FAM117B: variants seen among roughly 807,000 people sequenced by gnomAD.
FAM117B encodes the protein protein FAM117B.
Under a neutral mutation model 52.8 loss-of-function variants are expected in FAM117B, and 22 were observed. The observed-to-expected ratio is 0.42, with a 90% CI of 0.30 to 0.59. The LOEUF (loss-of-function observed/expected upper bound fraction) is 0.59, where lower values mean the gene tolerates loss of function less well. Among genes scored for constraint, FAM117B ranks in the 20% least tolerant of loss-of-function variants. The pLI is 0.22. For synonymous variants in FAM117B, 309 were observed against 324.1 expected, an observed-to-expected ratio of 0.95 and a Z score of 0.50; for missense variants, 678 against 802.6, an observed-to-expected ratio of 0.84 and a Z score of 1.88.
intron 1 of FAM117B, among the ~76,000 whole-genome samples, chr2:202,667,574 A>C (rs1690225372): frequency 6.6e-6 from 1 of 152,148 alleles, no homozygotes; most frequent in Non-Finnish European, 1.5e-5. Context: ...GAAGGTGATA[A>C]TTATGTAGAG....
intron 2 of FAM117B, among the ~76,000 whole-genome samples, chr2:202,710,815 T>C (rs1690946036): frequency 6.6e-6 from 1 of 152,232 alleles, no homozygotes; most frequent in Admixed American, 6.5e-5. Flanking sequence ...CTGCAAAGTT[T>C]GTCTTTCTCT....
chr2:202,764,710 A>G (rs1691949150), intron 7 of FAM117B, among the ~76,000 whole-genome samples: 1 of 152,220 alleles, frequency 6.6e-6, no homozygotes, highest in Non-Finnish European at 1.5e-5. Context: ...TTCATGAAAT[A>G]CCATTAATAC....
intron 7 of FAM117B, among the ~76,000 whole-genome samples, chr2:202,764,263 T>C (rs1324765162): frequency 3.3e-5 from 5 of 152,066 alleles, no homozygotes; most frequent in African/African-American, 4.8e-5. Flanking sequence ...TGAACTGATT[T>C]AGATTTTTTG....
intron 4 of FAM117B, among the ~76,000 whole-genome samples, chr2:202,728,869 G>A (rs1024669473): frequency 1.3e-5 from 2 of 152,062 alleles, no homozygotes; most frequent in Non-Finnish European, 2.9e-5. Flanking sequence ...TTGCAGAGAG[G>A]GTAAGGACAA....
At chr2:202,706,515 A>G (rs568332496) in intron 2 of FAM117B, among the ~76,000 whole-genome samples, 41 of 152,364 alleles carry the variant, frequency 2.7e-4, no homozygotes, top group African/African-American at 7.9e-4. Context: ...TTAAAACAAT[A>G]AAAGTTGAAT....
intron 1 of FAM117B, among the ~76,000 whole-genome samples, chr2:202,684,425 T>G (rs905624248): frequency 7.2e-5 from 11 of 152,234 alleles, no homozygotes; most frequent in Non-Finnish European, 1.0e-4. Flanking sequence ...GTGGAACATT[T>G]GAATTGTCCA....
At chr2:202,754,262 A>G (rs1006155038) in intron 4 of FAM117B, among the ~76,000 whole-genome samples, 4 of 152,190 alleles carry the variant, frequency 2.6e-5, no homozygotes, top group Admixed American at 2.0e-4. Context: ...ATCCTTAGCA[A>G]ACTAACACAA....
At position 202,635,739 on chromosome 2, in the gene FAM117B, C is replaced by G. The variant is rs1488386346; in HGVS notation, c.552C>G (p.Ser184Arg). ...VRHRRRSPEQSRSSPEKRSPS... is the reference protein window; with the variant it reads ...VRHRRRSPEQRRSSPEKRSPS... ...ATCGGAGGAGGTCTCCGGAGCAGAG[C>G]CGAAGCTCGCCGGAGAAGAGGAGCC... is the stretch of plus-strand genomic sequence containing the variant. The change falls in exon 1 of 8, where the codon AGC becomes AGG. Residue 184 changes from serine (S) to arginine (R), a missense_variant. Physicochemically the swap from Ser to Arg is moderately radical, Grantham distance 110 (BLOSUM62 -1). Coordinates refer to ENST00000392238, the MANE Select transcript of FAM117B (RefSeq NM_173511.4). The G allele has an allele frequency of 2.0e-5, 29 of 1,457,568 alleles. No individual in the cohort carries two copies. The highest frequency in any genetic ancestry group is 2.5e-5 in the Non-Finnish European group (28 of 1,108,016). The allele number at this position is 1,457,568 out of a possible 1,614,324, so 90.3% of individuals were successfully genotyped here. A position where few individuals can be genotyped will look rare whatever the true frequency, so the allele number is the denominator to read the frequency against.
rs565035575 is a variant in FAM117B at position 202,686,785 on chromosome 2, A to G, written c.602-9096A>G. On this transcript the variant is annotated intron_variant, in intron 1 of 7. Coordinates refer to ENST00000392238, the MANE Select transcript of FAM117B (RefSeq NM_173511.4). Reference sequence around the variant, plus strand: ...TTGCCATCACTGAACTCCAGCCTGGACAACAGAATGAGATTCGGTCAAAAA... The same window carrying G: ...TTGCCATCACTGAACTCCAGCCTGGGCAACAGAATGAGATTCGGTCAAAAA... 4.1e-4 allele frequency among the ~76,000 whole-genome samples: 62 copies of G among 151,524 alleles called. 1 individual carries two copies. Among genetic ancestry groups the G allele is most frequent in the African/African-American group, 1.1e-3 (44 of 41,442 alleles).
At chr2:202,702,330 G>A (rs1380123129) in intron 2 of FAM117B, among the ~76,000 whole-genome samples, 1 of 152,068 alleles carries the variant, frequency 6.6e-6, no homozygotes, top group East Asian at 1.9e-4. Flanking sequence ...GGCAGAGGTT[G>A]CTGTGAGCTG....
intron 2 of FAM117B, among the ~76,000 whole-genome samples, chr2:202,699,426 C>CAAAAAAAAAAAAAAAAA (rs751190825): frequency 1.6e-3 from 28 of 17,806 alleles, no homozygotes; most frequent in Admixed American, 2.9e-3. Flanking sequence ...GACCCCATCT[C>CAAAAAAAAAAAAAAAAA]AAAAAAAAAA....
At chr2:202,680,473 TACA>T (rs1475667067) in intron 1 of FAM117B, among the ~76,000 whole-genome samples, 2 of 152,074 alleles carry the variant, frequency 1.3e-5, no homozygotes. Context: ...TTATAAAAAC[TACA>T]ATCATGCAGC....
chr2:202,635,207 G>A lies in FAM117B; in HGVS notation c.20G>A (p.Arg7His), dbSNP rs1447341470. Reference protein sequence around the residue: MSQRVRRNGSPTPAGSL... With the variant: MSQRVRHNGSPTPAGSL... Reference sequence around the variant, plus strand: ...GGGACCATGTCCCAGCGGGTGAGGCGCAATGGGTCCCCCACGCCGGCCGGC... The same window carrying A: ...GGGACCATGTCCCAGCGGGTGAGGCACAATGGGTCCCCCACGCCGGCCGGC... The change falls in exon 1 of 8, where the codon CGC (arginine) becomes CAC (histidine). Residue 7 changes from arginine to histidine, a missense_variant. Coordinates refer to ENST00000392238, the MANE Select transcript of FAM117B (RefSeq NM_173511.4). 2.3e-6 allele frequency: 3 copies of A among 1,297,508 alleles called. No individual in the cohort carries two copies. Among genetic ancestry groups the A allele is most frequent in the Admixed American group, 3.8e-5 (1 of 26,024 alleles). 80.4% of individuals were successfully genotyped at this position (1,297,508 alleles called of 1,614,324 possible). A position where few individuals can be genotyped will look rare whatever the true frequency, so the allele number is the denominator to read the frequency against.
intron 1 of FAM117B, among the ~76,000 whole-genome samples, chr2:202,658,698 TCTG>T (rs1397914968): frequency 6.6e-6 from 1 of 152,326 alleles, no homozygotes; most frequent in East Asian, 1.9e-4. Flanking sequence ...TTTGTTGTCT[TCTG>T]TGCTTTCTGA....
chr2:202,750,028 C>T (rs1431426105), intron 4 of FAM117B, among the ~76,000 whole-genome samples: 7 of 152,172 alleles, frequency 4.6e-5, no homozygotes, highest in Admixed American at 2.6e-4. Context: ...TCTTCCAGTT[C>T]TGGAGACTCT....
intron 7 of FAM117B, among the ~76,000 whole-genome samples, chr2:202,764,429 TA>T (rs201091009): frequency 1.4e-4 from 22 of 151,790 alleles, no homozygotes; most frequent in South Asian, 6.3e-4. Flanking sequence ...CAGACTAGAT[TA>T]TTTTTTTTTT....
chr2:202,719,735 A>G (rs565828351), intron 2 of FAM117B, among the ~76,000 whole-genome samples: 8 of 152,276 alleles, frequency 5.3e-5, no homozygotes, highest in Non-Finnish European at 1.2e-4. Flanking sequence ...TTTCCCCTGT[A>G]AGCTAGGATC....
intron 4 of FAM117B, among the ~76,000 whole-genome samples, chr2:202,739,573 A>G (rs1490883799): frequency 6.6e-6 from 1 of 151,478 alleles, no homozygotes; most frequent in African/African-American, 2.4e-5. Flanking sequence ...CTCCCACTTC[A>G]GCCTCCTAAG....
chr2:202,655,743 AGAGAGAGAGAGAGAGAGAGT>A (rs1284580112), intron 1 of FAM117B, among the ~76,000 whole-genome samples: 15 of 134,660 alleles, frequency 1.1e-4, no homozygotes, highest in African/African-American at 5.7e-4. Context: ...AGAGAGAGAG[AGAGAGAGAGAGAGAGAGAGT>A]GTGTGTGTGT....
Sources: allele counts gnomAD v4.1 joint callset (sites outside exome capture counted in the v4.1 genomes callset), GRCh38; gene constraint gnomAD v4.1.1; transcripts MANE v1.5; gene names NCBI Gene and HGNC (gene_info 2026-07-23, HGNC 2026-07-21).